The following TAFA5 variants were observed in gnomAD, a reference collection of about 807,000 sequenced individuals.
TAFA5 encodes the protein chemokine-like protein TAFA-5.
TAFA5 carries 6 observed loss-of-function variants against 15.3 expected under a neutral mutation model. The observed-to-expected ratio is 0.39, with a 90% CI of 0.21 to 0.77. The LOEUF is 0.77. Ranked by LOEUF, TAFA5 falls within the 30% of genes least tolerant of loss-of-function variation. TAFA5 has a pLI of 0.41. For synonymous variants in TAFA5, 103 were observed against 80.7 expected (o/e 1.28, Z -1.48); for missense variants, 161 against 193.1 (o/e 0.83, Z 0.98).
In TAFA5 at chr22:48,750,473, C is replaced by T. The variant is rs529506155; in HGVS notation, c.*626C>T. ...GCGGCCGTGGTGGAGGCCTCCACCC[C>T]AGGAGCACCCCGCGCACCCTCGGAG... On this transcript the variant is annotated 3_prime_UTR_variant, in exon 4 of 4. Coordinates refer to ENST00000402357, the MANE Select transcript of TAFA5 (RefSeq NM_001082967.3). The T allele has an allele frequency of 7.8e-5, 12 of 153,060 alleles. No homozygotes were observed. Among genetic ancestry groups the T allele is most frequent in the African/African-American group, 2.9e-4 (12 of 41,582 alleles). The allele number at this position is 153,060 out of a possible 1,614,324, so 9.5% of individuals were successfully genotyped here. A position where few individuals can be genotyped will look rare whatever the true frequency, so the allele number is the denominator to read the frequency against.
intron 1 of TAFA5, among the ~76,000 whole-genome samples, chr22:48,618,352 C>T (rs1925687018): frequency 6.6e-6 from 1 of 152,238 alleles, no homozygotes. Context: ...GCCAAGCCTT[C>T]ATATTTACCT....
intron 3 of TAFA5, among the ~76,000 whole-genome samples, chr22:48,718,324 G>T (rs1281306228): frequency 6.6e-6 from 1 of 152,202 alleles, no homozygotes; most frequent in East Asian, 1.9e-4. Context: ...GGGGGATGCT[G>T]TAGCTGAACA....
At chr22:48,636,155 G>GT (rs1926437470) in intron 1 of TAFA5, among the ~76,000 whole-genome samples, 2 of 152,374 alleles carry the variant, frequency 1.3e-5, no homozygotes, top group African/African-American at 4.8e-5. Context: ...ACAGGGAGGT[G>GT]TTGCCGTCAG....
At chr22:48,718,891 C>G (rs1341003345) in intron 3 of TAFA5, among the ~76,000 whole-genome samples, 1 of 152,142 alleles carries the variant, frequency 6.6e-6, no homozygotes, top group African/African-American at 2.4e-5. Flanking sequence ...CTTCATGTGA[C>G]AAGGTGGCCC....
chr22:48,613,733 C>T (rs937165478), intron 1 of TAFA5, among the ~76,000 whole-genome samples: 4 of 152,248 alleles, frequency 2.6e-5, no homozygotes, highest in Non-Finnish European at 4.4e-5. Flanking sequence ...CGCCCCAGCC[C>T]GGGGCTCCCA....
chr22:48,583,839 A>G lies in TAFA5; in HGVS notation c.113-62758A>G, dbSNP rs1319223948. 5.5e-5 allele frequency among the ~76,000 whole-genome samples: 8 copies of G among 145,656 alleles called. No homozygotes were observed. In the East Asian group the frequency reaches 1.6e-3, roughly 29 times the overall value. On this transcript the variant is annotated intron_variant, in intron 1 of 3. Transcript: ENST00000402357. ...TACAAAATACACTACATATATACAC[A>G]CGCCACACAAAAAATACACCACACA...
intron 1 of TAFA5, among the ~76,000 whole-genome samples, chr22:48,551,927 A>C (rs1008272885): frequency 7.2e-5 from 11 of 152,162 alleles, no homozygotes. Flanking sequence ...ATAGCCTCTG[A>C]GCCCCTGGTG....
At chr22:48,604,712 T>A (rs1925096643) in intron 1 of TAFA5, among the ~76,000 whole-genome samples, 1 of 152,116 alleles carries the variant, frequency 6.6e-6, no homozygotes, top group African/African-American at 2.4e-5. Context: ...CCCATAGATT[T>A]TTTTTCCATC....
intron 1 of TAFA5, among the ~76,000 whole-genome samples, chr22:48,504,179 C>T (rs914866385): frequency 1.3e-5 from 2 of 152,174 alleles, no homozygotes; most frequent in Admixed American, 6.5e-5. Context: ...GACACTCCCT[C>T]GGCTGGCAGA....
chr22:48,725,469 G>A (rs1034047166), intron 3 of TAFA5, among the ~76,000 whole-genome samples: 1 of 152,164 alleles, frequency 6.6e-6, no homozygotes, highest in East Asian at 1.9e-4. Flanking sequence ...TATAGAAAGT[G>A]TCTGCTTGTT....
rs550932314 is a variant in TAFA5 at position 48,690,120 on chromosome 22, C to T, written c.263-17597C>T. Among the ~76,000 whole-genome samples the T allele has an allele frequency of 1.5e-4, 23 of 152,158 alleles. No homozygotes were observed. The South Asian group carries it at 4.8e-3, about 32-fold the overall frequency. ...CTGGAGGCCAGGGGCCTGTGCTCCC[C>T]CCACCCCTCCTGCATGGAAAGATGC... On this transcript the variant is annotated intron_variant, in intron 2 of 3. Transcript: ENST00000402357.
intron 1 of TAFA5, among the ~76,000 whole-genome samples, chr22:48,542,564 GGTGTGTGTGGT>G (rs1569019198): frequency 1.1e-5 from 1 of 91,298 alleles, no homozygotes; most frequent in Non-Finnish European, 2.0e-5. Context: ...ATGTGTGTGT[GGTGTGTGTGGT>G]GTGTGTGCGG....
chr22:48,624,787 A>G (rs1330806385), intron 1 of TAFA5, among the ~76,000 whole-genome samples: 2 of 152,116 alleles, frequency 1.3e-5, no homozygotes, highest in African/African-American at 4.8e-5. Flanking sequence ...GGTTTCTTTC[A>G]TCACAGAGTA....
At chr22:48,636,632 C>T (rs1346531214) in intron 1 of TAFA5, among the ~76,000 whole-genome samples, 3 of 11,720 alleles carry the variant, frequency 2.6e-4, no homozygotes, top group African/African-American at 1.9e-3. Context: ...TGTGGGGAGA[C>T]GCTCCCTGGA....
chr22:48,749,977 T>A lies in TAFA5; in HGVS notation c.*130T>A. On this transcript the variant is annotated 3_prime_UTR_variant, in exon 4 of 4. Transcript: ENST00000402357. Reference sequence around the variant, plus strand: ...GCCCGCCCACTCCGTTTCCCTGTGGTCCGTGAAGGACGGCCTCAGGCCTTG... The same window carrying A: ...GCCCGCCCACTCCGTTTCCCTGTGGACCGTGAAGGACGGCCTCAGGCCTTG... 3 of 929,458 alleles carry A rather than the reference T, an allele frequency of 3.2e-6. No homozygotes were observed. The highest frequency in any genetic ancestry group is 5.0e-6 in the Non-Finnish European group (3 of 601,128). The allele number at this position is 929,458 out of a possible 1,614,324, so 57.6% of individuals were successfully genotyped here.
At chr22:48,544,798 G>A (rs766651003) in intron 1 of TAFA5, 4 of 471,250 alleles carry the variant, frequency 8.5e-6, no homozygotes, top group East Asian at 7.0e-5. Context: ...CGATCTAGGC[G>A]AGGCCTGCAA....
chr22:48,547,816 C>T (rs1922727935), intron 1 of TAFA5, among the ~76,000 whole-genome samples: 1 of 152,226 alleles, frequency 6.6e-6, no homozygotes, highest in African/African-American at 2.4e-5. Flanking sequence ...CTCCAGAGGA[C>T]TCTGAGTTTG....
intron 2 of TAFA5, among the ~76,000 whole-genome samples, chr22:48,701,374 C>A (rs934102649): frequency 6.6e-6 from 1 of 152,190 alleles, no homozygotes; most frequent in Non-Finnish European, 1.5e-5. Flanking sequence ...TGGTGTGTGT[C>A]CCCACACTGA....
intron 2 of TAFA5, among the ~76,000 whole-genome samples, chr22:48,647,582 T>C (rs968519582): frequency 6.6e-6 from 1 of 152,090 alleles, no homozygotes; most frequent in Non-Finnish European, 1.5e-5. Flanking sequence ...CGGGAAGGCA[T>C]CTGGTGTCAA....
Sources: allele counts gnomAD v4.1 joint callset (sites outside exome capture counted in the v4.1 genomes callset), GRCh38; gene constraint gnomAD v4.1.1; transcripts MANE v1.5; gene names NCBI Gene and HGNC (gene_info 2026-07-23, HGNC 2026-07-21).